Variants in LRP1B observed in about 807,000 individuals in gnomAD.
LRP1B encodes the protein LDL receptor related protein 1B.
LRP1B carries 217 observed loss-of-function variants against 556.6 expected under a neutral mutation model. The observed-to-expected ratio is 0.39, with a 90% CI of 0.35 to 0.44. The LOEUF is 0.44. Ranked by LOEUF, LRP1B falls within the 20% of genes least tolerant of loss-of-function variation. The pLI is 1.00. For missense variants in LRP1B, 5,053 were observed against 5,620.8 expected (o/e 0.90, Z 3.23); for synonymous variants, 2,047 against 1,865.8 (o/e 1.10, Z -2.50).
chr2:141,140,530 G>A (rs988819847), intron 7 of LRP1B, among the ~76,000 whole-genome samples: 1 of 152,004 alleles, frequency 6.6e-6, no homozygotes, highest in African/African-American at 2.4e-5. Flanking sequence ...CCTAAGGGTA[G>A]GGCTCTAATA....
At position 140,868,080 on chromosome 2, in the gene LRP1B, A is replaced by C; in HGVS notation, c.4334+19T>G. 1.3e-6 allele frequency: 2 copies of C among 1,574,212 alleles called. No individual in the cohort carries two copies. The highest frequency in any genetic ancestry group is 1.7e-6 in the Non-Finnish European group (2 of 1,167,590). ...TCTAAGTAAAAAAAAAAATACAGAA[A>C]AGAGATGATTTTTTAAACCTGGCGT... On this transcript the variant is annotated intron_variant, in intron 26 of 90. Transcript: ENST00000389484.
chr2:141,847,765 G>A (rs1212713103), intron 1 of LRP1B, among the ~76,000 whole-genome samples: 1 of 151,528 alleles, frequency 6.6e-6, no homozygotes, highest in Non-Finnish European at 1.5e-5. Context: ...CTCTAATACT[G>A]TTACAAAAAG....
chr2:140,847,803 A>G (rs989598737), intron 29 of LRP1B, among the ~76,000 whole-genome samples: 4 of 151,498 alleles, frequency 2.6e-5, no homozygotes, highest in African/African-American at 9.7e-5. Context: ...ATGTTCCAAT[A>G]TTTTTCAAAA....
At chr2:141,366,145 T>C (rs1689027605) in intron 3 of LRP1B, among the ~76,000 whole-genome samples, 1 of 152,212 alleles carries the variant, frequency 6.6e-6, no homozygotes, top group African/African-American at 2.4e-5. Flanking sequence ...CAGATATATC[T>C]CAAAATTACA....
At chr2:140,429,505 G>A (rs1036237445) in intron 66 of LRP1B, among the ~76,000 whole-genome samples, 4 of 152,076 alleles carry the variant, frequency 2.6e-5, no homozygotes, top group African/African-American at 9.7e-5. Flanking sequence ...CTGCCACAAG[G>A]CTTCACAGAT....
At chr2:142,025,437 G>A (rs1461802274) in intron 1 of LRP1B, among the ~76,000 whole-genome samples, 1 of 152,096 alleles carries the variant, frequency 6.6e-6, no homozygotes, top group Non-Finnish European at 1.5e-5. Flanking sequence ...TAGAAATAAG[G>A]AGACTAAGGT....
chr2:140,661,768 G>A (rs1376499646), intron 41 of LRP1B, among the ~76,000 whole-genome samples: 3 of 152,114 alleles, frequency 2.0e-5, no homozygotes, highest in Non-Finnish European at 4.4e-5. Flanking sequence ...ACTTATTAAA[G>A]TTTTAGGTTT....
intron 1 of LRP1B, among the ~76,000 whole-genome samples, chr2:142,108,532 TAG>T (rs1183702202): frequency 2.0e-5 from 3 of 152,214 alleles, no homozygotes; most frequent in Non-Finnish European, 4.4e-5. Flanking sequence ...TTTCCATTTT[TAG>T]AGTCTTTGCC....
chr2:141,515,838 G>A lies in LRP1B; in HGVS notation c.206-35305C>T, dbSNP rs188264864. ...AGTGAGAAGTAACATTAATATGAAC[G>A]CCCAAGTGAACTGTACTTAAGAATG... On this transcript the variant is annotated intron_variant, in intron 2 of 90. Transcript: ENST00000389484. Among the ~76,000 whole-genome samples, 1,436 of 152,202 alleles carry A rather than the reference G, an allele frequency of 9.4e-3. 11 individuals carry two copies. Among genetic ancestry groups the A allele is most frequent in the Non-Finnish European group, 0.014 (982 of 67,992 alleles).
chr2:140,529,958 A>G (rs1048469411), intron 47 of LRP1B, among the ~76,000 whole-genome samples: 1 of 152,082 alleles, frequency 6.6e-6, no homozygotes, highest in African/African-American at 2.4e-5. Context: ...AAAAAAAATG[A>G]TGAAGATTTG....
chr2:141,250,328 G>A (rs1684215420), intron 4 of LRP1B, among the ~76,000 whole-genome samples: 1 of 152,126 alleles, frequency 6.6e-6, no homozygotes, highest in South Asian at 2.1e-4. Context: ...TTAGAGTGTG[G>A]AAACTTTCAG....
chr2:140,533,904 T>C (rs1044491181), intron 47 of LRP1B, 117 bp downstream of exon 47: 2 of 1,034,656 alleles, frequency 1.9e-6, no homozygotes, highest in African/African-American at 3.2e-5. Context: ...TACCAAAGTG[T>C]GATCCATAGA....
intron 66 of LRP1B, among the ~76,000 whole-genome samples, chr2:140,408,651 G>A (rs1393362264): frequency 6.6e-6 from 1 of 151,874 alleles, no homozygotes; most frequent in Non-Finnish European, 1.5e-5. Flanking sequence ...GAGGGATTGA[G>A]TTACACTACT....
intron 69 of LRP1B, among the ~76,000 whole-genome samples, chr2:140,372,126 C>G (rs890332656): frequency 2.0e-5 from 3 of 151,742 alleles, no homozygotes; most frequent in African/African-American, 7.3e-5. Context: ...TGTGTAGTCT[C>G]TCATACTTAC....
chr2:141,204,550 A>G lies in LRP1B; in HGVS notation c.851-15967T>C, dbSNP rs569856823. On this transcript the variant is annotated intron_variant, in intron 6 of 90. Transcript: ENST00000389484. ...TTACCCCATAGCACTTCAGATGTGT[A>G]TACCAAGAAAGAAATGTACTTACAT... 3.9e-5 allele frequency among the ~76,000 whole-genome samples: 6 copies of G among 152,360 alleles called. No homozygotes were observed. In the East Asian group the frequency reaches 1.2e-3, roughly 29 times the overall value.
intron 3 of LRP1B, among the ~76,000 whole-genome samples, chr2:141,363,751 A>C (rs1361374601): frequency 6.6e-6 from 1 of 152,148 alleles, no homozygotes; most frequent in East Asian, 1.9e-4. Flanking sequence ...GACATTTTCT[A>C]CTTAAATGCT....
At chr2:141,516,705 T>C (rs1267161668) in intron 2 of LRP1B, among the ~76,000 whole-genome samples, 1 of 150,386 alleles carries the variant, frequency 6.6e-6, no homozygotes, top group African/African-American at 2.4e-5. Context: ...TTTTTTTTTT[T>C]TTTTTCTTTT....
chr2:141,253,005 A>T (rs887417656), intron 4 of LRP1B, among the ~76,000 whole-genome samples: 1 of 152,216 alleles, frequency 6.6e-6, no homozygotes, highest in African/African-American at 2.4e-5. Context: ...CAATTAATTA[A>T]CACTCAGGAA....
intron 49 of LRP1B, among the ~76,000 whole-genome samples, chr2:140,523,010 G>A (rs546975552): frequency 2.5e-4 from 38 of 151,930 alleles, no homozygotes; most frequent in African/African-American, 7.7e-4. Flanking sequence ...AATAATTAAG[G>A]AGGTGAGATT....
Sources: gnomAD v4.1 joint callset for allele counts (sites outside exome capture counted in the v4.1 genomes callset) on GRCh38, gnomAD v4.1.1 for gene constraint, MANE v1.5 for transcripts, NCBI Gene and HGNC (gene_info 2026-07-23, HGNC 2026-07-21) for gene names.